MPV17L: variants seen among roughly 807,000 people sequenced by gnomAD.
The protein encoded by MPV17L is mpv17-like protein.
In MPV17L, 24 loss-of-function variants were observed where a neutral mutation model predicts 25.8. The ratio of observed to expected loss-of-function variants is 0.93; its 90% confidence interval spans 0.67 to 1.31. The LOEUF is 1.31. MPV17L is among the 50% of genes most tolerant of loss of function. The pLI is 0.00. For missense variants in MPV17L, 250 were observed against 265.6 expected, an observed-to-expected ratio of 0.94 and a Z score of 0.41; for synonymous variants, 102 against 115.3, an observed-to-expected ratio of 0.88 and a Z score of 0.74.
intron 1 of MPV17L, 47 bp from the exon 2 acceptor site, chr16:15,400,740 G>A (rs370055337): frequency 9.1e-6 from 12 of 1,321,224 alleles, no homozygotes; most frequent in Middle Eastern, 2.7e-4. Context: ...ACTGTTATAC[G>A]GTACTCTACT....
chr16:15,401,080 ATATATAT>A (rs1487263215), intron 2 of MPV17L, among the ~76,000 whole-genome samples: 11 of 33,092 alleles, frequency 3.3e-4, no homozygotes, highest in Admixed American at 5.1e-4. Context: ...ATATATATAT[ATATATAT>A]TTTTTTTTTT....
rs1337077988 is a variant in MPV17L, at chr16:15,412,844, T to C, written c.*4732T>C. ...ATCTGCCTGCCTCTGCCTCCCAGAGTGCTGGGATTACAGGTGTGAGCCACC... is the reference window on the plus strand; with the variant it reads ...ATCTGCCTGCCTCTGCCTCCCAGAGCGCTGGGATTACAGGTGTGAGCCACC... On this transcript the variant is annotated 3_prime_UTR_variant, in exon 4 of 4. Coordinates refer to ENST00000396385, the MANE Select transcript of MPV17L (RefSeq NM_001128423.2). The C allele has an allele frequency of 6.6e-6, 1 of 151,606 alleles. No homozygotes were observed. Among genetic ancestry groups the C allele is most frequent in the East Asian group, 1.9e-4 (1 of 5,172 alleles). 9.4% of individuals were successfully genotyped at this position (151,606 alleles called of 1,614,324 possible).
chr16:15,405,501 T>C (rs1453818402), intron 2 of MPV17L, among the ~76,000 whole-genome samples: 2 of 150,588 alleles, frequency 1.3e-5, no homozygotes, highest in Non-Finnish European at 3.0e-5. Flanking sequence ...CAGGCTGGAG[T>C]GCAATGGTGC....
chr16:15,404,002 C>T (rs2050660887), intron 2 of MPV17L, among the ~76,000 whole-genome samples: 1 of 151,738 alleles, frequency 6.6e-6, no homozygotes, highest in Non-Finnish European at 1.5e-5. Flanking sequence ...CCCCTCTCTA[C>T]TAAAAATACA....
At chr16:15,402,548 C>T (rs1234165099) in intron 2 of MPV17L, among the ~76,000 whole-genome samples, 1 of 99,412 alleles carries the variant, frequency 1.0e-5, no homozygotes, top group African/African-American at 3.3e-5. Context: ...AGCCTCTATA[C>T]TCAGGAACAG....
chr16:15,399,827 G>A (rs1045011706), intron 1 of MPV17L, among the ~76,000 whole-genome samples: 3 of 151,764 alleles, frequency 2.0e-5, no homozygotes, highest in South Asian at 4.2e-4. Context: ...GTGCAGTCTC[G>A]GCTCACCTCA....
chr16:15,408,827 C>T lies in MPV17L; in HGVS notation c.*715C>T, dbSNP rs1276203910. On this transcript the variant is annotated 3_prime_UTR_variant, in exon 4 of 4. Transcript: ENST00000396385. The stretch of plus-strand genomic sequence containing the variant: ...TGACACAGAGTCTCGCTCTGTCGCC[C>T]AGGCTGGAATGCAGTTGTGAGATCT... 6.6e-6 allele frequency: 1 copy of T among 152,012 alleles called. No individual in the cohort carries two copies. The highest frequency in any genetic ancestry group is 1.9e-4 in the East Asian group (1 of 5,182). The allele number at this position is 152,012 out of a possible 1,614,324, so 9.4% of individuals were successfully genotyped here. A position where few individuals can be genotyped will look rare whatever the true frequency, so the allele number is the denominator to read the frequency against.
intron 2 of MPV17L, among the ~76,000 whole-genome samples, chr16:15,407,292 T>G (rs1462362879): frequency 2.0e-5 from 3 of 152,070 alleles, no homozygotes; most frequent in African/African-American, 7.2e-5. Flanking sequence ...ACCTAATAGC[T>G]TTTTTCCCCA....
At chr16:15,401,075 TA>T (rs2050632506) in intron 2 of MPV17L, among the ~76,000 whole-genome samples, 79 of 34,810 alleles carry the variant, frequency 2.3e-3, no homozygotes, top group East Asian at 9.6e-3. Flanking sequence ...TATATATATA[TA>T]TATATATATA....
At chr16:15,405,675 G>T (rs1374776227) in intron 2 of MPV17L, among the ~76,000 whole-genome samples, 1 of 151,318 alleles carries the variant, frequency 6.6e-6, no homozygotes, top group South Asian at 2.1e-4. Flanking sequence ...TCAAACTCAC[G>T]ACTTCAGGTG....
Position 15,395,868 on chromosome 16 carries a change from C to A in MPV17L, c.-30C>A. 1 of 1,380,118 alleles carries A rather than the reference C, an allele frequency of 7.2e-7. No individual in the cohort carries two copies. The highest frequency in any genetic ancestry group is 9.3e-7 in the Non-Finnish European group (1 of 1,078,284). The allele number at this position is 1,380,118 out of a possible 1,614,324, so 85.5% of individuals were successfully genotyped here. On this transcript the variant is annotated 5_prime_UTR_variant, in exon 1 of 4. Coordinates refer to ENST00000396385, the MANE Select transcript of MPV17L (RefSeq NM_001128423.2). Reference sequence around the variant, plus strand: ...TGCAGGAAGACGCCGACCACGCGGGCTCCTGATCGCGGGCGCCCACAGCGC... The same window carrying A: ...TGCAGGAAGACGCCGACCACGCGGGATCCTGATCGCGGGCGCCCACAGCGC...
chr16:15,402,314 A>G (rs1025269426), intron 2 of MPV17L, among the ~76,000 whole-genome samples: 1 of 152,218 alleles, frequency 6.6e-6, no homozygotes, highest in African/African-American at 2.4e-5. Flanking sequence ...GTTTGATTGC[A>G]TTCATCACAA....
intron 2 of MPV17L, among the ~76,000 whole-genome samples, chr16:15,404,499 C>T (rs1451926124): frequency 2.0e-5 from 3 of 151,990 alleles, no homozygotes; most frequent in African/African-American, 4.8e-5. Context: ...AGTTCAAGAC[C>T]AGCTTGGGCA....
At chr16:15,400,377 G>T (rs1337785722) in intron 1 of MPV17L, among the ~76,000 whole-genome samples, 4 of 147,578 alleles carry the variant, frequency 2.7e-5, no homozygotes, top group African/African-American at 1.0e-4. Flanking sequence ...TTGAGACAGG[G>T]TCTTGCTGTG....
chr16:15,403,298 G>T (rs1237426056), intron 2 of MPV17L, among the ~76,000 whole-genome samples: 1 of 150,746 alleles, frequency 6.6e-6, no homozygotes, highest in Non-Finnish European at 1.5e-5. Flanking sequence ...GAACCCGGGA[G>T]GCAGAGACTG....
chr16:15,397,438 A>G (rs1280833726), intron 1 of MPV17L, among the ~76,000 whole-genome samples: 2 of 152,178 alleles, frequency 1.3e-5, no homozygotes, highest in Non-Finnish European at 2.9e-5. Flanking sequence ...AGGAGGCTGT[A>G]AAACAGGCTG....
chr16:15,403,997 CT>C (rs998325120), intron 2 of MPV17L, among the ~76,000 whole-genome samples: 17 of 151,960 alleles, frequency 1.1e-4, no homozygotes, highest in African/African-American at 3.6e-4. Flanking sequence ...GAAATCCCCT[CT>C]CTACTAAAAA....
intron 2 of MPV17L, among the ~76,000 whole-genome samples, chr16:15,401,902 T>A (rs2050642825): frequency 6.6e-6 from 1 of 152,308 alleles, no homozygotes; most frequent in South Asian, 2.1e-4. Context: ...TTTATTATAT[T>A]AACTCTTAGT....
chr16:15,412,636 C>T lies in MPV17L; in HGVS notation c.*4524C>T, dbSNP rs1312312315. The stretch of plus-strand genomic sequence containing the variant: ...TGTAGCCCAGGTTGGAGTGCAGTGT[C>T]GCGATCTCGCCTCACTGCAACCTCT... On this transcript the variant is annotated 3_prime_UTR_variant, in exon 4 of 4. Transcript: ENST00000396385. The T allele has an allele frequency of 2.0e-5, 3 of 148,008 alleles. No individual in the cohort carries two copies. The highest frequency in any genetic ancestry group is 4.4e-5 in the Non-Finnish European group (3 of 67,438). The allele number at this position is 148,008 out of a possible 1,614,324, so 9.2% of individuals were successfully genotyped here.
Sources: gnomAD v4.1 joint callset for allele counts (sites outside exome capture counted in the v4.1 genomes callset) on GRCh38, gnomAD v4.1.1 for gene constraint, MANE v1.5 for transcripts, NCBI Gene and HGNC (gene_info 2026-07-23, HGNC 2026-07-21) for gene names.